PTGIS: variants seen among roughly 807,000 people sequenced by gnomAD.
PTGIS encodes the protein prostacyclin synthase.
PTGIS carries 45 observed loss-of-function variants against 50.3 expected under a neutral mutation model. The ratio of observed to expected loss-of-function variants is 0.90; its 90% CI spans 0.70 to 1.15. The LOEUF (loss-of-function observed/expected upper bound fraction) is 1.15, where lower values mean the gene tolerates loss of function less well. Ranked by LOEUF, PTGIS falls within the 50% of genes most tolerant of loss-of-function variation. The probability of loss-of-function intolerance (pLI) is 0.00; values close to 1 mark genes in which losing one functional copy is unlikely to be tolerated. For synonymous variants in PTGIS, 260 were observed against 267.7 expected (o/e 0.97, Z 0.28); for missense variants, 668 against 661.3 (o/e 1.01, Z -0.11).
intron 6 of PTGIS, among the ~76,000 whole-genome samples, chr20:49,519,302 G>A (rs913094125): frequency 6.6e-6 from 1 of 152,106 alleles, no homozygotes; most frequent in Non-Finnish European, 1.5e-5. Flanking sequence ...CTGTTGTGAG[G>A]ATCCTATGAG....
intron 6 of PTGIS, among the ~76,000 whole-genome samples, chr20:49,523,003 A>G (rs1000838782): frequency 1.3e-5 from 2 of 152,186 alleles, no homozygotes; most frequent in African/African-American, 4.8e-5. Context: ...CAGCCTGGCG[A>G]CAGAGCAAGA....
chr20:49,567,553 G>A (rs1427250652), intron 1 of PTGIS, among the ~76,000 whole-genome samples: 1 of 152,224 alleles, frequency 6.6e-6, no homozygotes, highest in African/African-American at 2.4e-5. Context: ...TCTGTGTAAT[G>A]GGTTGAGGAG....
intron 5 of PTGIS, among the ~76,000 whole-genome samples, chr20:49,533,341 GC>G (rs1981984703): frequency 1.3e-5 from 2 of 151,950 alleles, no homozygotes; most frequent in African/African-American, 2.4e-5. Context: ...CAAATAAACA[GC>G]CCCCCAAAAT....
intron 1 of PTGIS, among the ~76,000 whole-genome samples, chr20:49,565,969 C>T (rs1982887078): frequency 6.6e-6 from 1 of 152,210 alleles, no homozygotes; most frequent in South Asian, 2.1e-4. Flanking sequence ...GTGACTCACG[C>T]CTGTAATCTC....
intron 1 of PTGIS, among the ~76,000 whole-genome samples, chr20:49,562,738 T>C (rs1982807541): frequency 6.6e-6 from 1 of 152,206 alleles, no homozygotes; most frequent in African/African-American, 2.4e-5. Flanking sequence ...TGGGTTCCTC[T>C]AAAAACGGCC....
At chr20:49,536,852 C>A (rs1185839865) in intron 5 of PTGIS, among the ~76,000 whole-genome samples, 1 of 152,138 alleles carries the variant, frequency 6.6e-6, no homozygotes, top group African/African-American at 2.4e-5. Flanking sequence ...CTGTTCCCCC[C>A]ATTTTGCAGA....
In PTGIS at chr20:49,513,138, A is replaced by C; in HGVS notation, c.1148T>G (p.Leu383Arg). The stretch of plus-strand genomic sequence containing the variant: ...GGGGCTCAGGAAGGGGAAGAGGAGG[A>C]GGCGGTCACCACGTCGCAGGTTGAA... ...REFNLRRGDRLLLFPFLSPQR... is the reference protein window; with the variant it reads ...REFNLRRGDRRLLFPFLSPQR... Residue 383 changes from leucine (L) to arginine (R), a missense_variant, in exon 8 of 10, where the codon CTC becomes CGC. Physicochemically the swap from Leu to Arg is moderately radical, Grantham distance 102 (BLOSUM62 -2). Coordinates refer to ENST00000244043, the MANE Select transcript of PTGIS (RefSeq NM_000961.4). 6.2e-7 allele frequency: 1 copy of C among 1,613,988 alleles called. No homozygotes were observed. The highest frequency in any genetic ancestry group is 1.1e-5 in the South Asian group (1 of 91,054).
chr20:49,521,191 G>A (rs1427809305), intron 6 of PTGIS, among the ~76,000 whole-genome samples: 1 of 152,172 alleles, frequency 6.6e-6, no homozygotes, highest in Non-Finnish European at 1.5e-5. Context: ...ACCACGTCTT[G>A]AAACGGGTGC....
chr20:49,508,976 C>G (rs554732846), intron 9 of PTGIS, among the ~76,000 whole-genome samples: 1 of 152,184 alleles, frequency 6.6e-6, no homozygotes, highest in Non-Finnish European at 1.5e-5. Flanking sequence ...CCCAGGCGCC[C>G]GATGCAGCAC....
chr20:49,562,196 T>C (rs1982794024), intron 1 of PTGIS, among the ~76,000 whole-genome samples: 1 of 152,126 alleles, frequency 6.6e-6, no homozygotes, highest in South Asian at 2.1e-4. Flanking sequence ...TAAGTGGGCA[T>C]TTTCACCTCC....
At chr20:49,563,801 G>A (rs1331471687) in intron 1 of PTGIS, among the ~76,000 whole-genome samples, 4 of 152,196 alleles carry the variant, frequency 2.6e-5, no homozygotes, top group African/African-American at 7.2e-5. Flanking sequence ...AGTGACCCTC[G>A]CTTGATGCCA....
chr20:49,556,595 T>A (rs771298650), intron 1 of PTGIS, among the ~76,000 whole-genome samples: 3 of 152,214 alleles, frequency 2.0e-5, no homozygotes, highest in Admixed American at 1.3e-4. Context: ...AAATGATCAG[T>A]CTTGCTGCAT....
intron 3 of PTGIS, 76 bp from the exon 4 acceptor site, chr20:49,544,524 AC>A: frequency 1.3e-6 from 2 of 1,551,930 alleles, no homozygotes; most frequent in Non-Finnish European, 8.9e-7. Flanking sequence ...CCCTCCCCAA[AC>A]CTAAGGGTCC....
intron 6 of PTGIS, among the ~76,000 whole-genome samples, chr20:49,516,783 G>A (rs1403098843): frequency 2.0e-5 from 3 of 152,164 alleles, no homozygotes; most frequent in Non-Finnish European, 4.4e-5. Flanking sequence ...AGTACTCCCC[G>A]GTCACTACCC....
At chr20:49,535,550 G>C (rs902693103) in intron 5 of PTGIS, among the ~76,000 whole-genome samples, 1 of 152,220 alleles carries the variant, frequency 6.6e-6, no homozygotes, top group Non-Finnish European at 1.5e-5. Flanking sequence ...GTCTTGCTCT[G>C]TCACCCAGGC....
intron 4 of PTGIS, among the ~76,000 whole-genome samples, chr20:49,539,936 C>T (rs147666041): frequency 1.3e-3 from 195 of 152,296 alleles, no homozygotes; most frequent in Non-Finnish European, 8.7e-4. Flanking sequence ...AGACAACAGA[C>T]GAGAGGATGA....
intron 1 of PTGIS, among the ~76,000 whole-genome samples, chr20:49,554,675 C>A (rs1982583376): frequency 6.6e-6 from 1 of 152,132 alleles, no homozygotes; most frequent in Non-Finnish European, 1.5e-5. Flanking sequence ...AGGGCTGATT[C>A]TGAGAGATTA....
At chr20:49,518,656 CA>C (rs55943621) in intron 6 of PTGIS, among the ~76,000 whole-genome samples, 2,014 of 141,196 alleles carry the variant, frequency 0.014, 36 homozygotes, top group African/African-American at 0.045. Flanking sequence ...CTACTGAAGA[CA>C]AAAAAAAAAA....
At chr20:49,560,803 C>T (rs771741780) in intron 1 of PTGIS, among the ~76,000 whole-genome samples, 2 of 152,184 alleles carry the variant, frequency 1.3e-5, no homozygotes, top group South Asian at 2.1e-4. Context: ...GGGGACGAGA[C>T]GTAGGCGATG....
Sources: allele counts gnomAD v4.1 joint callset (sites outside exome capture counted in the v4.1 genomes callset), GRCh38; gene constraint gnomAD v4.1.1; transcripts MANE v1.5; gene names NCBI Gene and HGNC (gene_info 2026-07-23, HGNC 2026-07-21).